CHST11: variants seen among roughly 807,000 people sequenced by gnomAD.
The protein encoded by CHST11 is C4S-1.
In CHST11, 9 loss-of-function variants were observed where a neutral mutation model predicts 30.4. The ratio of observed to expected loss-of-function variants is 0.30; its 90% CI spans 0.18 to 0.52. CHST11 has a LOEUF of 0.52. Among genes scored for constraint, CHST11 ranks in the 20% least tolerant of loss-of-function variants. The probability of loss-of-function intolerance (pLI) is 0.97; values close to 1 mark genes in which losing one functional copy is unlikely to be tolerated. For synonymous variants in CHST11, 152 were observed against 187.8 expected (o/e 0.81, Z 1.56); for missense variants, 348 against 460.6 (o/e 0.76, Z 2.24).
intron 2 of CHST11, among the ~76,000 whole-genome samples, chr12:104,683,947 C>T (rs2039821600): frequency 6.6e-6 from 1 of 152,124 alleles, no homozygotes; most frequent in South Asian, 2.1e-4. Context: ...GGCCTGGAGT[C>T]CTACCAATTC....
intron 1 of CHST11, among the ~76,000 whole-genome samples, chr12:104,503,330 G>A (rs966937013): frequency 2.6e-5 from 4 of 152,172 alleles, no homozygotes; most frequent in African/African-American, 7.2e-5. Context: ...TTGCCAGGGT[G>A]GTGTGTGGCA....
chr12:104,689,810 C>G (rs900098433), intron 2 of CHST11, among the ~76,000 whole-genome samples: 1 of 152,142 alleles, frequency 6.6e-6, no homozygotes, highest in South Asian at 2.1e-4. Flanking sequence ...TCTCCTTCCC[C>G]CTCCCAATAC....
At chr12:104,678,366 C>T (rs1289014419) in intron 2 of CHST11, among the ~76,000 whole-genome samples, 1 of 152,222 alleles carries the variant, frequency 6.6e-6, no homozygotes, top group Non-Finnish European at 1.5e-5. Context: ...GACATTGGCT[C>T]TTATTGACTG....
chr12:104,726,235 G>A (rs1311818140), intron 2 of CHST11, among the ~76,000 whole-genome samples: 1 of 152,172 alleles, frequency 6.6e-6, no homozygotes, highest in African/African-American at 2.4e-5. Flanking sequence ...TAGCTTCAAA[G>A]TTCAATGGTA....
intron 2 of CHST11, among the ~76,000 whole-genome samples, chr12:104,698,169 T>C (rs1180568483): frequency 6.6e-6 from 1 of 152,218 alleles, no homozygotes; most frequent in African/African-American, 2.4e-5. Context: ...CTGTAACTGT[T>C]GCTATGGCCT....
At chr12:104,505,211 C>T (rs2037892806) in intron 1 of CHST11, among the ~76,000 whole-genome samples, 4 of 152,166 alleles carry the variant, frequency 2.6e-5, no homozygotes. Flanking sequence ...ATTTCACTTT[C>T]CCAGGGGACG....
intron 2 of CHST11, among the ~76,000 whole-genome samples, chr12:104,691,913 A>C (rs1243333024): frequency 1.3e-5 from 2 of 152,152 alleles, no homozygotes; most frequent in Non-Finnish European, 2.9e-5. Context: ...GATGTGTGAC[A>C]ATGTGGTGAG....
At chr12:104,528,143 A>G (rs1297357380) in intron 1 of CHST11, among the ~76,000 whole-genome samples, 1 of 152,230 alleles carries the variant, frequency 6.6e-6, no homozygotes, top group Non-Finnish European at 1.5e-5. Flanking sequence ...CCAGATGATG[A>G]TGGTTATGTC....
intron 2 of CHST11, among the ~76,000 whole-genome samples, chr12:104,743,890 A>G (rs2040368185): frequency 6.6e-6 from 1 of 152,188 alleles, no homozygotes; most frequent in African/African-American, 2.4e-5. Flanking sequence ...TTCGTTTGCT[A>G]AGGATTATGG....
At chr12:104,748,643 G>A (rs918381943) in intron 2 of CHST11, among the ~76,000 whole-genome samples, 1 of 152,124 alleles carries the variant, frequency 6.6e-6, no homozygotes, top group African/African-American at 2.4e-5. Context: ...CACATCTACA[G>A]GCCAAAGAGA....
intron 2 of CHST11, among the ~76,000 whole-genome samples, chr12:104,706,962 T>G (rs1477354330): frequency 6.6e-6 from 1 of 152,126 alleles, no homozygotes; most frequent in Non-Finnish European, 1.5e-5. Flanking sequence ...TTCCACCCTT[T>G]GGCGGCATAG....
At chr12:104,725,793 C>T (rs539380087) in intron 2 of CHST11, among the ~76,000 whole-genome samples, 17 of 152,180 alleles carry the variant, frequency 1.1e-4, no homozygotes, top group African/African-American at 4.1e-4. Context: ...GTGGGTCTCA[C>T]AGCCCCAGGT....
In CHST11 at chr12:104,457,364, C is replaced by T; in HGVS notation, c.-48C>T. On this transcript the variant is annotated 5_prime_UTR_variant, in exon 1 of 3. Coordinates refer to ENST00000303694, the MANE Select transcript of CHST11 (RefSeq NM_018413.6). ...GCGGCGGGGTCCCTGCTCCTGCGCC[C>T]CGGGCGCGCTTCCCGGACACCCCGG... The T allele has an allele frequency of 6.9e-7, 1 of 1,449,610 alleles. No individual in the cohort carries two copies. Among genetic ancestry groups the T allele is most frequent in the Non-Finnish European group, 9.6e-7 (1 of 1,037,898 alleles). 89.8% of individuals were successfully genotyped at this position (1,449,610 alleles called of 1,614,324 possible).
rs1007663985 is a variant in CHST11 at position 104,760,576 on chromosome 12, A to G, written c.*2773A>G. ...CTGTGTGCTTTTTGGGGGGTTTTCA[A>G]TGGAAATTCACGTTGCTTTGCATTT... On this transcript the variant is annotated 3_prime_UTR_variant, in exon 3 of 3. Transcript: ENST00000303694. 6.6e-6 allele frequency: 1 copy of G among 152,226 alleles called. No homozygotes were observed. Among genetic ancestry groups the G allele is most frequent in the Non-Finnish European group, 1.5e-5 (1 of 68,044 alleles). 9.4% of individuals were successfully genotyped at this position (152,226 alleles called of 1,614,324 possible).
intron 2 of CHST11, among the ~76,000 whole-genome samples, chr12:104,658,404 T>C (rs897162587): frequency 2.0e-5 from 3 of 152,192 alleles, no homozygotes; most frequent in African/African-American, 7.2e-5. Flanking sequence ...CTTGTCATGA[T>C]ACCAGACACA....
At chr12:104,651,120 G>A (rs1015362406) in intron 2 of CHST11, among the ~76,000 whole-genome samples, 3 of 152,208 alleles carry the variant, frequency 2.0e-5, no homozygotes, top group East Asian at 1.9e-4. Context: ...CCCAATTGCC[G>A]ATTCATCTCC....
intron 2 of CHST11, among the ~76,000 whole-genome samples, chr12:104,643,964 T>C (rs2039402109): frequency 6.6e-6 from 1 of 152,166 alleles, no homozygotes; most frequent in Non-Finnish European, 1.5e-5. Flanking sequence ...CTCTGGAGTT[T>C]AGGGGTGCAG....
At chr12:104,659,408 C>T (rs1342439547) in intron 2 of CHST11, among the ~76,000 whole-genome samples, 1 of 152,114 alleles carries the variant, frequency 6.6e-6, no homozygotes, top group African/African-American at 2.4e-5. Flanking sequence ...CCGGGGATCT[C>T]CAAGAGCCAT....
intron 1 of CHST11, among the ~76,000 whole-genome samples, chr12:104,536,224 T>G (rs985701764): frequency 6.6e-6 from 1 of 152,154 alleles, no homozygotes; most frequent in Non-Finnish European, 1.5e-5. Flanking sequence ...AGAAATAGTA[T>G]TTGCTCAAAC....
Sources: gnomAD v4.1 joint callset for allele counts (sites outside exome capture counted in the v4.1 genomes callset) on GRCh38, gnomAD v4.1.1 for gene constraint, MANE v1.5 for transcripts, NCBI Gene and HGNC (gene_info 2026-07-23, HGNC 2026-07-21) for gene names.